Variants in C3 observed in about 807,000 individuals in gnomAD.
C3 encodes the protein C3 and PZP-like alpha-2-macroglobulin domain-containing protein 1.
In C3, 97 loss-of-function variants were observed where a neutral mutation model predicts 207.9. That is an observed-to-expected ratio of 0.47 (90% CI 0.40 to 0.55). The LOEUF is 0.55. Among genes scored for constraint, C3 ranks in the 20% least tolerant of loss-of-function variants. The probability of loss-of-function intolerance (pLI) is 0.00; values close to 1 mark genes in which losing one functional copy is unlikely to be tolerated. For missense variants in C3, 1,684 were observed against 2,171.7 expected, an observed-to-expected ratio of 0.78 and a Z score of 4.46; for synonymous variants, 848 against 857.6, an observed-to-expected ratio of 0.99 and a Z score of 0.20.
In C3 at chr19:6,710,990, G is replaced by A. The variant is rs1313326819; in HGVS notation, c.1476C>T (p.Tyr492=). ...AHEAKIRYYT[Y]LIMNKGRLLK... ...AGGTTTCCAGGTGGCCACGGACCAG[G>A]TAGGTGTAGTAGCGGATCTTGGCCT... The change falls in exon 12 of 41, where the codon TAC becomes TAT. Residue 492 remains tyrosine, a synonymous_variant. Transcript: ENST00000245907. 6.2e-7 allele frequency: 1 copy of A among 1,614,004 alleles called. No individual in the cohort carries two copies.
intron 4 of C3, among the ~76,000 whole-genome samples, chr19:6,715,744 C>G (rs1226099707): frequency 1.3e-5 from 2 of 151,460 alleles, no homozygotes; most frequent in African/African-American, 4.9e-5. Flanking sequence ...GCCTCAGCCT[C>G]TCGAGTAGCT....
At chr19:6,691,220 A>G (rs1918159563) in intron 26 of C3, among the ~76,000 whole-genome samples, 1 of 151,918 alleles carries the variant, frequency 6.6e-6, no homozygotes, top group Admixed American at 6.6e-5. Context: ...CACCAAGCTA[A>G]TTTTTTTGTA....
rs11569498 is a variant in C3 at position 6,691,942 on chromosome 19, G to A, written c.3390+982C>T. 8.7e-3 allele frequency among the ~76,000 whole-genome samples: 1,316 copies of A among 151,254 alleles called. 18 individuals are homozygous for A. Among genetic ancestry groups the A allele is most frequent in the African/African-American group, 0.029 (1,210 of 41,154 alleles). ...GTGGAGGTTGCAGTGAGCCAAGATC[G>A]GGCCATTGCACTCCAGCCTGGGTGA... On this transcript the variant is annotated intron_variant, in intron 26 of 40. Transcript: ENST00000245907.
rs11569411 is a variant in C3, at chr19:6,718,031, C to T, written c.504+63G>A. On this transcript the variant is annotated intron_variant, in intron 4 of 40. Transcript: ENST00000245907. ...CCGGTGTGTCTTTCTCTGTCTCTCT[C>T]GATCTCTTTGCCTCTCCTAAGCCTG... is the stretch of plus-strand genomic sequence containing the variant. 0.12 allele frequency: 181,068 copies of T among 1,495,044 alleles called. 13,899 individuals are homozygous for T. Among genetic ancestry groups the T allele is most frequent in the East Asian group, 0.43 (18,968 of 44,356 alleles). 92.6% of individuals were successfully genotyped at this position (1,495,044 alleles called of 1,614,324 possible). A position where few individuals can be genotyped will look rare whatever the true frequency, so the allele number is the denominator to read the frequency against.
chr19:6,693,373 G>A, intron 25 of C3, 39 bp downstream of exon 25: 1 of 1,570,730 alleles, frequency 6.4e-7, no homozygotes, highest in South Asian at 1.1e-5. Context: ...GGTTGAGGGT[G>A]GGGAGTATGC....
intron 2 of C3, among the ~76,000 whole-genome samples, chr19:6,718,677 G>T (rs921367796): frequency 1.5e-4 from 23 of 151,428 alleles, no homozygotes; most frequent in African/African-American, 5.3e-4. Flanking sequence ...AAAGGGAAGG[G>T]GCTGACATGG....
At position 6,709,754 on chromosome 19, in the gene C3, C is replaced by G; in HGVS notation, c.1775G>C (p.Arg592Pro). The G allele has an allele frequency of 1.2e-6, 2 of 1,614,014 alleles. No individual in the cohort carries two copies. The highest frequency in any genetic ancestry group is 1.7e-6 in the Non-Finnish European group (2 of 1,180,014). Reference sequence around the variant, plus strand: ...CTTGTCCACGGCCACCAGTACCACCCGGGCCCCGTGGTCACCCTCTATCTT... The same window carrying G: ...CTTGTCCACGGCCACCAGTACCACCGGGGCCCCGTGGTCACCCTCTATCTT... ...TLKIEGDHGARVVLVAVDKGV... is the reference protein window; with the variant it reads ...TLKIEGDHGAPVVLVAVDKGV... Residue 592 changes from arginine to proline, a missense_variant, in exon 14 of 41, where the codon CGG (arginine) becomes CCG (proline). Arg to Pro is a moderately radical substitution (Grantham distance 103). Coordinates refer to ENST00000245907, the MANE Select transcript of C3 (RefSeq NM_000064.4).
chr19:6,697,589 G>A (rs1967566201), intron 20 of C3, 33 bp from the exon 21 acceptor site: 1 of 1,613,860 alleles, frequency 6.2e-7, no homozygotes, highest in Admixed American at 1.7e-5. Context: ...GGGCAAGTGT[G>A]TGTGCAACAG....
At chr19:6,694,013 T>G (rs1599506996) in intron 24 of C3, among the ~76,000 whole-genome samples, 1 of 89,862 alleles carries the variant, frequency 1.1e-5, no homozygotes, top group African/African-American at 5.0e-5. Context: ...AGAGGCGGGG[T>G]CTCATGAAGA....
chr19:6,698,741 C>G (rs969648536), intron 19 of C3, among the ~76,000 whole-genome samples: 1 of 152,122 alleles, frequency 6.6e-6, no homozygotes, highest in Non-Finnish European at 1.5e-5. Flanking sequence ...AAACAAACAA[C>G]TGATGCTCAT....
At chr19:6,702,047 T>C (rs1967685966) in intron 19 of C3, 80 bp downstream of exon 19, 2 of 809,012 alleles carry the variant, frequency 2.5e-6, no homozygotes, top group African/African-American at 1.7e-5. Context: ...ATAGGGTTGA[T>C]TGAGTTTGGA....
chr19:6,702,762 G>C (rs11569447), intron 17 of C3, 183 bp from the exon 18 acceptor site: 8 of 572,778 alleles, frequency 1.4e-5, no homozygotes, highest in Non-Finnish European at 2.6e-5. Context: ...GGCTGGGCAC[G>C]GTGGCTCACC....
At position 6,714,427 on chromosome 19, in the gene C3, A is replaced by G. The variant is rs755070575; in HGVS notation, c.524T>C (p.Val175Ala). 8 of 1,613,632 alleles carry G rather than the reference A, an allele frequency of 5.0e-6. 2 individuals are homozygous for G. The South Asian group carries it at 7.7e-5, about 16-fold the overall frequency. Residue 175 changes from valine (V) to alanine (A), a missense_variant, in exon 5 of 41, where the codon GTC (valine) becomes GCC (alanine). Coordinates refer to ENST00000245907, the MANE Select transcript of C3 (RefSeq NM_000064.4). ...CTGAGAAGACAAGGAGTCCTGCTTGACCGGGATGCCTTCCGGGTTCTGTGG... is the reference window on the plus strand; with the variant it reads ...CTGAGAAGACAAGGAGTCCTGCTTGGCCGGGATGCCTTCCGGGTTCTGTGG... ...VNIENPEGIP[V>A]KQDSLSSQNQ... is the part of the protein sequence containing the mutation.
chr19:6,712,451 G>T, intron 10 of C3, 45 bp from the exon 11 acceptor site: 3 of 1,614,170 alleles, frequency 1.9e-6, no homozygotes, highest in Non-Finnish European at 2.5e-6. Flanking sequence ...CAGGCTCAGG[G>T]CTGTGGCCGG....
chr19:6,684,415 T>G lies in C3; in HGVS notation c.4145A>C (p.Asn1382Thr), dbSNP rs745315118. Residue 1382 changes from asparagine to threonine, a missense_variant, in exon 33 of 41, where the codon AAC (asparagine) becomes ACC (threonine). Asn to Thr is a moderately conservative substitution (Grantham distance 65). Coordinates refer to ENST00000245907, the MANE Select transcript of C3 (RefSeq NM_000064.4). ...ETEKRPQDAKNTMILEICTRY... is the reference protein window; with the variant it reads ...ETEKRPQDAKTTMILEICTRY... ...GGTACAGATCTCAAGGATCATAGTGTTCTTGGCATCCTGAGGCCTCTTTTC... is the reference window on the plus strand; with the variant it reads ...GGTACAGATCTCAAGGATCATAGTGGTCTTGGCATCCTGAGGCCTCTTTTC... 6.2e-7 allele frequency: 1 copy of G among 1,614,046 alleles called. No individual in the cohort carries two copies.
chr19:6,697,041 C>CAAAAAAAAAAAAAAAAA lies in C3; in HGVS notation c.2796+302_2796+303insTTTTTTTTTTTTTTTTT, dbSNP rs200094017. On this transcript the variant is annotated intron_variant, in intron 21 of 40. Coordinates refer to ENST00000245907, the MANE Select transcript of C3 (RefSeq NM_000064.4). The stretch of plus-strand genomic sequence containing the variant: ...TGGGGAACAGAGTGAGACTCTGTCT[C>CAAAAAAAAAAAAAAAAA]AAAAAAATAAACAAACAAATAAATA... Among the ~76,000 whole-genome samples the CAAAAAAAAAAAAAAAAA allele has an allele frequency of 1.1e-3, 80 of 71,038 alleles. 1 individual carries two copies. The highest frequency in any genetic ancestry group is 1.6e-3 in the Non-Finnish European group (54 of 33,160). The allele number at this position is 71,038 out of a possible 152,430, so 46.6% of individuals were successfully genotyped here. A position where few individuals can be genotyped will look rare whatever the true frequency, so the allele number is the denominator to read the frequency against.
chr19:6,696,462 CCTT>C lies in C3; in HGVS notation c.2864_2866del (p.Glu955del). 2 of 1,612,594 alleles carry C rather than the reference CCTT, an allele frequency of 1.2e-6. No individual in the cohort carries two copies. The highest frequency in any genetic ancestry group is 1.1e-5 in the South Asian group (1 of 91,054). ...AGGTGGGATGTCCTCTTTCTGCACT[CCTT>C]CTGCAGGGTGAGTGAGAGATACCGA... is the stretch of plus-strand genomic sequence containing the variant. On this transcript the variant is annotated inframe_deletion and splice_region_variant, in exon 23 of 41. Transcript: ENST00000245907.
At chr19:6,687,293 T>C (rs1044060926) in intron 27 of C3, among the ~76,000 whole-genome samples, 1 of 152,196 alleles carries the variant, frequency 6.6e-6, no homozygotes, top group Non-Finnish European at 1.5e-5. Flanking sequence ...TCCAAATTGT[T>C]ACTCATAAAC....
intron 33 of C3, chr19:6,684,114 A>G: frequency 4.1e-6 from 2 of 488,796 alleles, no homozygotes; most frequent in Non-Finnish European, 7.5e-6. Context: ...AAAGAAAAAA[A>G]GAAAACTTTA....
Sources: gnomAD v4.1 joint callset for allele counts (sites outside exome capture counted in the v4.1 genomes callset) on GRCh38, gnomAD v4.1.1 for gene constraint, MANE v1.5 for transcripts, NCBI Gene and HGNC (gene_info 2026-07-23, HGNC 2026-07-21) for gene names.